The following ATP10A variants were observed in gnomAD, a reference collection of about 807,000 sequenced individuals.
The protein encoded by ATP10A is ATPase phospholipid transporting 10A (putative), also known as phospholipid-transporting ATPase VA.
Under a neutral mutation model 147.8 loss-of-function variants are expected in ATP10A, and 111 were observed. The ratio of observed to expected loss-of-function variants is 0.75; its 90% CI spans 0.64 to 0.88. ATP10A has a LOEUF of 0.88. Among genes scored for constraint, ATP10A ranks in the 40% least tolerant of loss-of-function variants. The pLI is 0.00. For synonymous variants in ATP10A, 875 were observed against 841.6 expected (o/e 1.04, Z -0.69); for missense variants, 1,927 against 1,959.0 (o/e 0.98, Z 0.31).
In ATP10A at chr15:25,854,104, C is replaced by T. The variant is rs565745273; in HGVS notation, c.449+8544G>A. 2.4e-3 allele frequency among the ~76,000 whole-genome samples: 363 copies of T among 152,088 alleles called. 1 individual carries two copies. The highest frequency in any genetic ancestry group is 8.2e-3 in the African/African-American group (339 of 41,506). On this transcript the variant is annotated intron_variant, in intron 1 of 20. Transcript: ENST00000555815. ...ATATTTTTTAGAAAAGTTATATAGC[C>T]CTCAGGAGAAGTGGTTGGTTCTAGA...
At chr15:25,820,340 A>G (rs1463432871) in intron 1 of ATP10A, among the ~76,000 whole-genome samples, 1 of 152,214 alleles carries the variant, frequency 6.6e-6, no homozygotes, top group Non-Finnish European at 1.5e-5. Flanking sequence ...CAGAATGTCT[A>G]TGGAGAAAAT....
chr15:25,718,423 AG>A, intron 7 of ATP10A, 24 bp from the exon 8 acceptor site: 1 of 1,566,122 alleles, frequency 6.4e-7, no homozygotes. Context: ...GCGCAGGGTG[AG>A]GCATCATGGG....
chr15:25,752,819 G>A (rs2140589187), intron 2 of ATP10A, among the ~76,000 whole-genome samples: 1 of 152,066 alleles, frequency 6.6e-6, no homozygotes, highest in South Asian at 2.1e-4. Flanking sequence ...ATTTATTTAA[G>A]TCCTTTAAAA....
At chr15:25,802,659 C>G (rs1050389867) in intron 1 of ATP10A, among the ~76,000 whole-genome samples, 2 of 152,252 alleles carry the variant, frequency 1.3e-5, no homozygotes, top group African/African-American at 4.8e-5. Context: ...TGCCTCAGCT[C>G]ACGGCCGGCC....
chr15:25,834,548 G>A (rs1355232275), intron 1 of ATP10A, among the ~76,000 whole-genome samples: 1 of 152,180 alleles, frequency 6.6e-6, no homozygotes, highest in Non-Finnish European at 1.5e-5. Context: ...AACTGCTGGT[G>A]GGAATGCAAA....
Position 25,819,580 on chromosome 15 carries a change from C to T in ATP10A, c.450-38357G>A, listed in dbSNP as rs535260109. Among the ~76,000 whole-genome samples, 5 of 127,662 alleles carry T rather than the reference C, an allele frequency of 3.9e-5. No homozygotes were observed. In the South Asian group the frequency reaches 1.3e-3, roughly 32 times the overall value. The allele number at this position is 127,662 out of a possible 152,430, so 83.8% of individuals were successfully genotyped here. ...AGCAATCCCACGATAGGGTATGTAC[C>T]CAAATGAAAAAAAAAATCATTATAT... On this transcript the variant is annotated intron_variant, in intron 1 of 20. Coordinates refer to ENST00000555815, the MANE Select transcript of ATP10A (RefSeq NM_024490.4).
intron 19 of ATP10A, among the ~76,000 whole-genome samples, 157 bp from the exon 20 acceptor site, chr15:25,680,465 G>A (rs577043092): frequency 6.6e-6 from 1 of 152,294 alleles, no homozygotes; most frequent in Admixed American, 6.5e-5. Flanking sequence ...GGGGCTCAAT[G>A]AGGCCTCCAG....
intron 1 of ATP10A, among the ~76,000 whole-genome samples, chr15:25,823,774 C>T (rs148851724): frequency 1.6e-4 from 24 of 152,258 alleles, no homozygotes; most frequent in African/African-American, 5.5e-4. Context: ...TTTAAAATAA[C>T]CATGTAGTAA....
At chr15:25,780,577 G>A (rs1889868721) in intron 2 of ATP10A, among the ~76,000 whole-genome samples, 1 of 152,190 alleles carries the variant, frequency 6.6e-6, no homozygotes, top group South Asian at 2.1e-4. Context: ...GCACACCAGA[G>A]GCAGGATTCA....
At chr15:25,855,247 G>C (rs180965058) in intron 1 of ATP10A, among the ~76,000 whole-genome samples, 69 of 152,060 alleles carry the variant, frequency 4.5e-4, no homozygotes, top group African/African-American at 1.5e-3. Context: ...TCTAGTCAAT[G>C]GTATCCAGCA....
chr15:25,684,548 C>A (rs892217252), intron 16 of ATP10A, among the ~76,000 whole-genome samples: 2 of 152,100 alleles, frequency 1.3e-5, no homozygotes, highest in Admixed American at 6.5e-5. Flanking sequence ...TCAGGCAGGG[C>A]GAGTGCTCTT....
chr15:25,826,202 T>C (rs972153929), intron 1 of ATP10A, among the ~76,000 whole-genome samples: 1 of 151,810 alleles, frequency 6.6e-6, no homozygotes, highest in Non-Finnish European at 1.5e-5. Flanking sequence ...AGCAAACAGA[T>C]GTATGAATAA....
intron 2 of ATP10A, among the ~76,000 whole-genome samples, chr15:25,745,314 C>A (rs775109746): frequency 6.6e-6 from 1 of 151,724 alleles, no homozygotes; most frequent in Non-Finnish European, 1.5e-5. Context: ...AATTGCACCA[C>A]TGCATTCCAG....
intron 1 of ATP10A, among the ~76,000 whole-genome samples, chr15:25,810,971 A>G (rs1891402812): frequency 6.6e-6 from 1 of 152,160 alleles, no homozygotes; most frequent in South Asian, 2.1e-4. Context: ...CTAGCTTTAC[A>G]TATAATGAAG....
chr15:25,703,321 C>T (rs1900782263), intron 12 of ATP10A, among the ~76,000 whole-genome samples: 1 of 152,176 alleles, frequency 6.6e-6, no homozygotes, highest in Non-Finnish European at 1.5e-5. Flanking sequence ...TGCCACTGCA[C>T]TCCAGCCTGG....
rs1487160558 is a variant in ATP10A, at chr15:25,686,555, A to G, written c.3291+1148T>C. ...AGAGCTAGCTAACTGGAGAGTTTTT[A>G]TACAGAACTGGAAAAAGAATACACC... On this transcript the variant is annotated intron_variant, in intron 16 of 20. Transcript: ENST00000555815. 3.7e-5 allele frequency among the ~76,000 whole-genome samples: 4 copies of G among 107,720 alleles called. 1 individual carries two copies. The highest frequency in any genetic ancestry group is 1.8e-4 in the Admixed American group (2 of 11,206). 70.7% of individuals were successfully genotyped at this position (107,720 alleles called of 152,430 possible).
Position 25,679,751 on chromosome 15 carries a change from G to C in ATP10A, c.4090C>G (p.Leu1364Val). 6.2e-7 allele frequency: 1 copy of C among 1,613,448 alleles called. No individual in the cohort carries two copies. Residue 1364 changes from leucine to valine, a missense_variant, in exon 21 of 21, where the codon CTG (leucine) becomes GTG (valine). Leu to Val is a conservative substitution (Grantham distance 32). Coordinates refer to ENST00000555815, the MANE Select transcript of ATP10A (RefSeq NM_024490.4). Reference sequence around the variant, plus strand: ...GTGCTGGGCTCCCCGCTGGCCTCCAGGGAGCAGACCGGCTGCTGTGTGTGC... The same window carrying C: ...GTGCTGGGCTCCCCGCTGGCCTCCACGGAGCAGACCGGCTGCTGTGTGTGC... ...SWHTQQPVCS[L>V]EASGEPSTVD...
At chr15:25,712,836 T>C (rs992677199) in intron 10 of ATP10A, among the ~76,000 whole-genome samples, 1 of 152,166 alleles carries the variant, frequency 6.6e-6, no homozygotes, top group Admixed American at 6.5e-5. Flanking sequence ...ATGGATTTCC[T>C]GTATGAAGCT....
At chr15:25,738,839 C>T (rs771882700) in intron 2 of ATP10A, among the ~76,000 whole-genome samples, 2 of 152,104 alleles carry the variant, frequency 1.3e-5, no homozygotes, top group Non-Finnish European at 2.9e-5. Flanking sequence ...ATCAGGCAAC[C>T]CTGCTAGAAA....
Sources: allele counts gnomAD v4.1 joint callset (sites outside exome capture counted in the v4.1 genomes callset), GRCh38; gene constraint gnomAD v4.1.1; transcripts MANE v1.5; gene names NCBI Gene and HGNC (gene_info 2026-07-23, HGNC 2026-07-21).